Variants in TXNDC11 observed in about 807,000 individuals in gnomAD.
TXNDC11 encodes thioredoxin domain-containing protein 11.
In TXNDC11, 68 loss-of-function variants were observed where a neutral mutation model predicts 78.0. The ratio of observed to expected loss-of-function variants is 0.87; its 90% confidence interval spans 0.72 to 1.07. TXNDC11 has a LOEUF of 1.07. Ranked by LOEUF, TXNDC11 falls within the 50% of genes least tolerant of loss-of-function variation. The probability of loss-of-function intolerance (pLI) is 0.00; values close to 1 mark genes in which losing one functional copy is unlikely to be tolerated. For missense variants in TXNDC11, 1,389 were observed against 1,221.8 expected, an observed-to-expected ratio of 1.14 and a Z score of -2.04; for synonymous variants, 571 against 495.2, an observed-to-expected ratio of 1.15 and a Z score of -2.03.
chr16:11,734,134 C>G, intron 2 of TXNDC11, 55 bp from the exon 3 acceptor site: 1 of 1,139,288 alleles, frequency 8.8e-7, no homozygotes, highest in Non-Finnish European at 1.3e-6. Context: ...GAAAAGTTAC[C>G]AAGATTTAAA....
chr16:11,681,878 T>C (rs1048312531), intron 11 of TXNDC11, among the ~76,000 whole-genome samples: 13 of 152,342 alleles, frequency 8.5e-5, no homozygotes, highest in Admixed American at 2.6e-4. Flanking sequence ...TTTTCCTTCA[T>C]GATTTTTATA....
At chr16:11,706,463 G>A (rs966470836) in intron 5 of TXNDC11, among the ~76,000 whole-genome samples, 1 of 152,240 alleles carries the variant, frequency 6.6e-6, no homozygotes, top group African/African-American at 2.4e-5. Context: ...CATGGGCATG[G>A]GCTGGGGAAC....
At chr16:11,691,074 C>A in intron 8 of TXNDC11, 1 of 562,316 alleles carries the variant, frequency 1.8e-6, no homozygotes, top group Middle Eastern at 4.6e-4. Context: ...AAATGACAAA[C>A]TTATCCAAAA....
At chr16:11,722,859 A>G (rs2051752267) in intron 4 of TXNDC11, among the ~76,000 whole-genome samples, 1 of 152,232 alleles carries the variant, frequency 6.6e-6, no homozygotes, top group Admixed American at 6.5e-5. Context: ...AAAAAAGAGG[A>G]AACTTTTGAT....
chr16:11,728,912 AATCACTTGAACCT>A (rs2051962103), intron 4 of TXNDC11, among the ~76,000 whole-genome samples: 1 of 151,860 alleles, frequency 6.6e-6, no homozygotes, highest in Non-Finnish European at 1.5e-5. Context: ...GAGGCAGAAG[AATCACTTGAACCT>A]GAGAGATGGA....
intron 10 of TXNDC11, among the ~76,000 whole-genome samples, chr16:11,686,097 T>C (rs908085261): frequency 3.3e-5 from 5 of 152,320 alleles, no homozygotes; most frequent in Middle Eastern, 6.8e-3. Flanking sequence ...TAGTTGGGAC[T>C]ACAGGCACGT....
chr16:11,687,980 A>G lies in TXNDC11; in HGVS notation c.2044-14T>C, dbSNP rs748580107. 1 of 1,579,730 alleles carries G rather than the reference A, an allele frequency of 6.3e-7. No homozygotes were observed. The highest frequency in any genetic ancestry group is 1.7e-5 in the Admixed American group (1 of 59,680). ...CAGGAGAACGTCCTGTGGGAAAGGG[A>G]AGACAGATGTTACTTGCACCGGGAA... On this transcript the variant is annotated splice_polypyrimidine_tract_variant and intron_variant, in intron 9 of 11. Transcript: ENST00000283033.
intron 4 of TXNDC11, among the ~76,000 whole-genome samples, chr16:11,726,082 G>C (rs2051868066): frequency 6.6e-6 from 1 of 151,998 alleles, no homozygotes; most frequent in Non-Finnish European, 1.5e-5. Context: ...GTCTAATTTT[G>C]TTGCCCAGGC....
intron 5 of TXNDC11, among the ~76,000 whole-genome samples, chr16:11,713,520 G>C (rs971660737): frequency 1.3e-5 from 2 of 151,950 alleles, no homozygotes; most frequent in African/African-American, 4.8e-5. Context: ...AGGTTCAAGA[G>C]ATTCTCCTGT....
At chr16:11,684,466 A>G (rs148701233) in intron 10 of TXNDC11, among the ~76,000 whole-genome samples, 16 of 152,304 alleles carry the variant, frequency 1.1e-4, no homozygotes, top group African/African-American at 3.9e-4. Context: ...TGGCAATGTG[A>G]TGTCCTGAAA....
intron 11 of TXNDC11, among the ~76,000 whole-genome samples, chr16:11,681,877 A>C (rs557447817): frequency 2.0e-4 from 31 of 152,154 alleles, no homozygotes; most frequent in African/African-American, 7.2e-4. Flanking sequence ...TTTTTCCTTC[A>C]TGATTTTTAT....
chr16:11,702,638 A>T (rs2051065449), intron 5 of TXNDC11, among the ~76,000 whole-genome samples: 2 of 152,352 alleles, frequency 1.3e-5, no homozygotes, highest in Non-Finnish European at 1.5e-5. Context: ...AGATCGTGCC[A>T]CTGCACTCTA....
At chr16:11,733,585 T>C (rs752078684) in intron 3 of TXNDC11, among the ~76,000 whole-genome samples, 3 of 152,046 alleles carry the variant, frequency 2.0e-5, no homozygotes, top group Admixed American at 6.5e-5. Flanking sequence ...TTCTTCCCAA[T>C]AGAATAGATG....
chr16:11,679,400 T>A lies in TXNDC11; in HGVS notation c.2672A>T (p.Asn891Ile). 1 of 1,612,304 alleles carries A rather than the reference T, an allele frequency of 6.2e-7. No homozygotes were observed. The highest frequency in any genetic ancestry group is 8.5e-7 in the Non-Finnish European group (1 of 1,179,338). The part of the protein sequence containing the change: ...ADASENLLTE[N>I]TWLKILVATM... ...CGCCACCAGGATCTTGAGCCACGTG[T>A]TCTCGGTAAGGAGGTTTTCTGAGGC... The change falls in exon 12 of 12, where the codon AAC becomes ATC. Residue 891 changes from asparagine to isoleucine, a missense_variant. Transcript: ENST00000283033. The surrounding 1 kb of genome is among the most constrained non-coding windows in gnomAD (Gnocchi z 4.6).
intron 6 of TXNDC11, among the ~76,000 whole-genome samples, chr16:11,700,179 T>C (rs1315366904): frequency 6.6e-6 from 1 of 152,186 alleles, no homozygotes; most frequent in African/African-American, 2.4e-5. Context: ...TGCAATTTTA[T>C]CCAAGAAGAA....
rs769496507 is a variant in TXNDC11, at chr16:11,698,301, A to C, written c.931T>G (p.Tyr311Asp). ...SLVFPREVLN[Y>D]TAENICKWAL... ...CACTTACAGATGTTCTCAGCTGTGT[A>C]GTTCAGGACCTCCCTGGGGAAGACC... is the stretch of plus-strand genomic sequence containing the variant. The change falls in exon 7 of 12, where the codon TAC (tyrosine) becomes GAC (aspartate). Residue 311 changes from tyrosine to aspartate, a missense_variant. Physicochemically the swap from Tyr to Asp is radical, Grantham distance 160 (BLOSUM62 -3). Transcript: ENST00000283033. The C allele has an allele frequency of 1.2e-6, 2 of 1,613,818 alleles. No homozygotes were observed. The highest frequency in any genetic ancestry group is 1.7e-4 in the Middle Eastern group (1 of 5,746).
intron 5 of TXNDC11, among the ~76,000 whole-genome samples, chr16:11,713,174 C>T (rs1363924565): frequency 1.3e-5 from 2 of 149,352 alleles, no homozygotes; most frequent in Non-Finnish European, 3.0e-5. Flanking sequence ...GTAGTCCCAG[C>T]TCCTTGGGGG....
chr16:11,682,416 G>A (rs771134983), intron 11 of TXNDC11, among the ~76,000 whole-genome samples: 1 of 152,200 alleles, frequency 6.6e-6, no homozygotes, highest in Non-Finnish European at 1.5e-5. Flanking sequence ...CCCAGCATGG[G>A]GCCGGAGAAA....
chr16:11,712,967 T>C (rs1266060942), intron 5 of TXNDC11, among the ~76,000 whole-genome samples: 2 of 117,778 alleles, frequency 1.7e-5, no homozygotes, highest in African/African-American at 2.7e-5. Flanking sequence ...CAGAAATCAG[T>C]TGGGCATGGT....
Sources: allele counts gnomAD v4.1 joint callset (sites outside exome capture counted in the v4.1 genomes callset), GRCh38; gene constraint gnomAD v4.1.1; non-coding constraint Gnocchi (gnomAD v3.1); transcripts MANE v1.5; gene names NCBI Gene and HGNC (gene_info 2026-07-23, HGNC 2026-07-21).